Variants in ADAMTS18 observed in about 807,000 individuals in gnomAD.
The protein encoded by ADAMTS18 is A disintegrin and metalloproteinase with thrombospondin motifs 18.
ADAMTS18 carries 157 observed loss-of-function variants against 165.9 expected under a neutral mutation model. The observed-to-expected ratio is 0.95, with a 90% CI of 0.83 to 1.08. ADAMTS18 has a LOEUF of 1.08. Among genes scored for constraint, ADAMTS18 ranks in the 50% least tolerant of loss-of-function variants. ADAMTS18 has a pLI of 0.00. For synonymous variants in ADAMTS18, 782 were observed against 578.2 expected, an observed-to-expected ratio of 1.35 and a Z score of -5.06; for missense variants, 2,040 against 1,534.0, an observed-to-expected ratio of 1.33 and a Z score of -5.51.
intron 16 of ADAMTS18, among the ~76,000 whole-genome samples, chr16:77,318,931 G>C (rs922135124): frequency 6.6e-6 from 1 of 152,128 alleles, no homozygotes; most frequent in Non-Finnish European, 1.5e-5. Flanking sequence ...AGAGCCAACA[G>C]TCAGCCCCAT....
At chr16:77,358,569 G>C (rs1412542725) in intron 8 of ADAMTS18, among the ~76,000 whole-genome samples, 1 of 151,990 alleles carries the variant, frequency 6.6e-6, no homozygotes, top group Non-Finnish European at 1.5e-5. Flanking sequence ...CTCAAAAAAA[G>C]AAAAAAGATA....
At chr16:77,404,253 C>G (rs1305806654) in intron 3 of ADAMTS18, among the ~76,000 whole-genome samples, 1 of 152,174 alleles carries the variant, frequency 6.6e-6, no homozygotes, top group Non-Finnish European at 1.5e-5. Context: ...TTATCAAACT[C>G]CACAAGCCAA....
intron 3 of ADAMTS18, among the ~76,000 whole-genome samples, chr16:77,413,014 T>C (rs1443886099): frequency 1.3e-5 from 2 of 152,120 alleles, no homozygotes; most frequent in Non-Finnish European, 2.9e-5. Context: ...TGCATTTCTT[T>C]ACACACTCAC....
chr16:77,362,277 C>T lies in ADAMTS18; in HGVS notation c.1057-13G>A. 6.2e-7 allele frequency: 1 copy of T among 1,614,002 alleles called. No individual in the cohort carries two copies. Among genetic ancestry groups the T allele is most frequent in the Non-Finnish European group, 8.5e-7 (1 of 1,179,976 alleles). ...TCAATAATCCTCCCTATGGGAAACC[C>T]ACACAAATCAAAGTGTGAATTTGTC... On this transcript the variant is annotated splice_polypyrimidine_tract_variant and intron_variant, in intron 6 of 22. Coordinates refer to ENST00000282849, the MANE Select transcript of ADAMTS18 (RefSeq NM_199355.4).
chr16:77,410,996 G>C (rs140489865), intron 3 of ADAMTS18, among the ~76,000 whole-genome samples: 270 of 152,114 alleles, frequency 1.8e-3, no homozygotes, highest in African/African-American at 6.2e-3. Flanking sequence ...TTTTCCATTG[G>C]CTCACTTATT....
chr16:77,431,565 A>G lies in ADAMTS18; in HGVS notation c.225T>C (p.Tyr75=), dbSNP rs150223967. Residue 75 remains tyrosine (Y), a synonymous_variant, in exon 3 of 23, where the codon TAT becomes TAC. Coordinates refer to ENST00000282849, the MANE Select transcript of ADAMTS18 (RefSeq NM_199355.4). The part of the protein sequence containing the change: ...TPVEVDSAGS[Y]ISHDILHNGR... ...CGTTGTGCAAAATGTCGTGTGAAAT[A>G]TATGACCCGGCTGAGTCTACTTCTA... 8.1e-6 allele frequency: 13 copies of G among 1,614,052 alleles called. No individual in the cohort carries two copies. The highest frequency in any genetic ancestry group is 7.6e-6 in the Non-Finnish European group (9 of 1,180,042).
intron 11 of ADAMTS18, among the ~76,000 whole-genome samples, chr16:77,336,148 T>C (rs902437711): frequency 1.3e-5 from 2 of 152,208 alleles, no homozygotes; most frequent in Admixed American, 1.3e-4. Flanking sequence ...CTGAGTATGA[T>C]AGGCTTTGTG....
intron 20 of ADAMTS18, 137 bp from the exon 21 acceptor site, chr16:77,291,615 C>T (rs187054290): frequency 4.8e-5 from 44 of 908,484 alleles, no homozygotes; most frequent in Admixed American, 3.5e-4. Context: ...CACACTCACT[C>T]GAGGATCTTA....
At chr16:77,367,049 T>A (rs752251888) in intron 4 of ADAMTS18, among the ~76,000 whole-genome samples, 2 of 152,184 alleles carry the variant, frequency 1.3e-5, no homozygotes, top group Non-Finnish European at 2.9e-5. Flanking sequence ...GCTACCTCCC[T>A]CACATGCTAA....
intron 3 of ADAMTS18, among the ~76,000 whole-genome samples, chr16:77,389,877 G>T (rs2057162441): frequency 6.6e-6 from 1 of 152,186 alleles, no homozygotes; most frequent in Admixed American, 6.5e-5. Flanking sequence ...GTAAAAAGTG[G>T]TAGATTGTTT....
chr16:77,418,534 C>T (rs1475446266), intron 3 of ADAMTS18, among the ~76,000 whole-genome samples: 5 of 152,152 alleles, frequency 3.3e-5, no homozygotes, highest in Non-Finnish European at 7.3e-5. Flanking sequence ...ATTATCCATC[C>T]TAACAAACCA....
intron 8 of ADAMTS18, among the ~76,000 whole-genome samples, 193 bp downstream of exon 8, chr16:77,359,125 G>A (rs1261905641): frequency 6.6e-6 from 1 of 152,190 alleles, no homozygotes; most frequent in South Asian, 2.1e-4. Flanking sequence ...GCTATTAAGT[G>A]CTGCTGTTTA....
chr16:77,355,102 A>C (rs2056608941), intron 9 of ADAMTS18, among the ~76,000 whole-genome samples: 1 of 152,138 alleles, frequency 6.6e-6, no homozygotes, highest in South Asian at 2.1e-4. Context: ...AAGTATCAAA[A>C]GTGTCAATTC....
At position 77,431,552 on chromosome 16, in the gene ADAMTS18, T is replaced by G. The variant is rs1282469836; in HGVS notation, c.238A>C (p.Ile80Leu). The G allele has an allele frequency of 7.4e-6, 12 of 1,614,020 alleles. No homozygotes were observed. The highest frequency in any genetic ancestry group is 1.0e-5 in the Non-Finnish European group (12 of 1,180,038). The change falls in exon 3 of 23, where the codon ATT (isoleucine) becomes CTT (leucine). Residue 80 changes from isoleucine to leucine, a missense_variant. Coordinates refer to ENST00000282849, the MANE Select transcript of ADAMTS18 (RefSeq NM_199355.4). ...DSAGSYISHD[I>L]LHNGRKKRSA... ...CGCTTTTTCCTGCCGTTGTGCAAAA[T>G]GTCGTGTGAAATATATGACCCGGCT... is the stretch of plus-strand genomic sequence containing the variant.
In ADAMTS18 at chr16:77,291,508, G is replaced by T. The variant is rs1030263904; in HGVS notation, c.3190-30C>A. ...GAGCCAAGACAGGATGTGTAAAAGTGAAGACTGCCAGGATCACATCTTCTG... is the reference window on the plus strand; with the variant it reads ...GAGCCAAGACAGGATGTGTAAAAGTTAAGACTGCCAGGATCACATCTTCTG... On this transcript the variant is annotated intron_variant, in intron 20 of 22. Transcript: ENST00000282849. The T allele has an allele frequency of 8.7e-6, 14 of 1,605,610 alleles. No individual in the cohort carries two copies. The Admixed American group carries it at 1.8e-4, about 21-fold the overall frequency.
At chr16:77,422,101 G>A (rs898533470) in intron 3 of ADAMTS18, among the ~76,000 whole-genome samples, 5 of 152,038 alleles carry the variant, frequency 3.3e-5, no homozygotes, top group Non-Finnish European at 7.4e-5. Flanking sequence ...GCAGCCCTCA[G>A]TTTGCTATGC....
intron 3 of ADAMTS18, among the ~76,000 whole-genome samples, chr16:77,392,553 C>A (rs1174480302): frequency 6.6e-6 from 1 of 152,192 alleles, no homozygotes. Context: ...CCCTGCTTCA[C>A]TTTCCTTCAT....
At chr16:77,389,562 AG>A (rs1456975472) in intron 3 of ADAMTS18, among the ~76,000 whole-genome samples, 1 of 152,180 alleles carries the variant, frequency 6.6e-6, no homozygotes, top group African/African-American at 2.4e-5. Flanking sequence ...TGAAGCCCTC[AG>A]GGTAGTCAGT....
intron 3 of ADAMTS18, among the ~76,000 whole-genome samples, chr16:77,393,371 G>A (rs974995827): frequency 6.6e-6 from 1 of 152,178 alleles, no homozygotes; most frequent in Admixed American, 6.5e-5. Flanking sequence ...GGGCTAGGCT[G>A]CTTACACTGT....
Sources: gnomAD v4.1 joint callset for allele counts (sites outside exome capture counted in the v4.1 genomes callset) on GRCh38, gnomAD v4.1.1 for gene constraint, MANE v1.5 for transcripts, NCBI Gene and HGNC (gene_info 2026-07-23, HGNC 2026-07-21) for gene names.